Variants in CDC42BPA observed in about 807,000 individuals in gnomAD.
The protein encoded by CDC42BPA is CDC42 binding protein kinase alpha.
CDC42BPA carries 80 observed loss-of-function variants against 223.5 expected under a neutral mutation model. The observed-to-expected ratio is 0.36, with a 90% CI of 0.30 to 0.43. The LOEUF (loss-of-function observed/expected upper bound fraction) is 0.43. Among genes scored for constraint, CDC42BPA ranks in the 20% least tolerant of loss-of-function variants. CDC42BPA has a pLI of 1.00. For missense variants in CDC42BPA, 1,743 were observed against 2,099.9 expected (o/e 0.83, Z 3.32); for synonymous variants, 694 against 718.6 (o/e 0.97, Z 0.55).
intron 10 of CDC42BPA, among the ~76,000 whole-genome samples, chr1:227,131,960 G>A (rs1301021407): frequency 3.3e-5 from 5 of 152,154 alleles, no homozygotes; most frequent in East Asian, 1.9e-4. Flanking sequence ...ACAGGAGAAC[G>A]GGAGTCAGTT....
intron 12 of CDC42BPA, among the ~76,000 whole-genome samples, chr1:227,115,633 G>C (rs1239346005): frequency 6.6e-6 from 1 of 151,914 alleles, no homozygotes; most frequent in Non-Finnish European, 1.5e-5. Flanking sequence ...TTTAAAAATG[G>C]AACAGGCTAC....
chr1:227,252,679 G>C (rs1682229346), intron 2 of CDC42BPA, among the ~76,000 whole-genome samples: 1 of 151,738 alleles, frequency 6.6e-6, no homozygotes, highest in Non-Finnish European at 1.5e-5. Flanking sequence ...ATATAAAGGG[G>C]GTAACATATC....
At chr1:227,143,744 G>A (rs1170283240) in intron 8 of CDC42BPA, among the ~76,000 whole-genome samples, 1 of 152,186 alleles carries the variant, frequency 6.6e-6, no homozygotes, top group Non-Finnish European at 1.5e-5. Flanking sequence ...TCTTTAAAGA[G>A]AAGCACACAT....
intron 1 of CDC42BPA, among the ~76,000 whole-genome samples, chr1:227,283,396 C>T (rs1379178204): frequency 6.6e-6 from 1 of 152,058 alleles, no homozygotes; most frequent in Non-Finnish European, 1.5e-5. Context: ...TATGAAAATA[C>T]TATGATAATA....
At position 227,079,860 on chromosome 1, in the gene CDC42BPA, GT is replaced by G. The variant is rs142485049; in HGVS notation, c.2480+1032del. Among the ~76,000 whole-genome samples the G allele has an allele frequency of 6.2e-4, 93 of 149,518 alleles. No individual in the cohort carries two copies. In the East Asian group the frequency reaches 0.014, roughly 23 times the overall value. On this transcript the variant is annotated intron_variant, in intron 17 of 36. Transcript: ENST00000366766. ...AGACCAAAAGTATTTTGGATTTCAG[GT>G]TTTTTTTTTAAATTTTGGAATACCT...
At chr1:227,288,467 G>A (rs186605113) in intron 1 of CDC42BPA, among the ~76,000 whole-genome samples, 27 of 152,266 alleles carry the variant, frequency 1.8e-4, no homozygotes, top group Non-Finnish European at 2.9e-4. Context: ...GGGAGGCCAA[G>A]GCAAGTGGAT....
At chr1:227,248,711 C>G (rs1681435259) in intron 2 of CDC42BPA, among the ~76,000 whole-genome samples, 1 of 151,230 alleles carries the variant, frequency 6.6e-6, no homozygotes, top group Admixed American at 6.6e-5. Context: ...AGTATATAAA[C>G]ATACATGTGA....
intron 1 of CDC42BPA, among the ~76,000 whole-genome samples, chr1:227,314,400 C>T (rs1474851141): frequency 6.6e-6 from 1 of 152,052 alleles, no homozygotes; most frequent in East Asian, 1.9e-4. Context: ...TCTCTTTCCA[C>T]TTATTTCCTC....
chr1:227,159,649 TAAAAAA>T (rs35278555), intron 6 of CDC42BPA, among the ~76,000 whole-genome samples: 1 of 148,942 alleles, frequency 6.7e-6, no homozygotes, highest in Admixed American at 6.7e-5. Context: ...AAAATGAAGT[TAAAAAA>T]AAAAAAAAAC....
intron 21 of CDC42BPA, among the ~76,000 whole-genome samples, chr1:227,066,495 A>G (rs931578784): frequency 6.6e-6 from 1 of 152,202 alleles, no homozygotes; most frequent in African/African-American, 2.4e-5. Context: ...TGCTGAACTC[A>G]AGTATGTCAA....
At chr1:227,144,080 C>A (rs190011590) in intron 8 of CDC42BPA, among the ~76,000 whole-genome samples, 2 of 152,268 alleles carry the variant, frequency 1.3e-5, no homozygotes, top group East Asian at 3.9e-4. Context: ...TATCAGTTAT[C>A]AAACAGTGAT....
intron 10 of CDC42BPA, among the ~76,000 whole-genome samples, chr1:227,137,804 G>A (rs1658890804): frequency 1.3e-5 from 2 of 151,984 alleles, no homozygotes; most frequent in Non-Finnish European, 2.9e-5. Flanking sequence ...TCAAAAACCG[G>A]TAAAAATTCA....
At chr1:227,171,414 A>T (rs1253963526) in intron 5 of CDC42BPA, among the ~76,000 whole-genome samples, 1 of 152,196 alleles carries the variant, frequency 6.6e-6, no homozygotes, top group African/African-American at 2.4e-5. Flanking sequence ...TGAGTCCAGG[A>T]GTTTATGACC....
intron 10 of CDC42BPA, among the ~76,000 whole-genome samples, chr1:227,137,803 G>A (rs1658890191): frequency 6.6e-6 from 1 of 151,874 alleles, no homozygotes; most frequent in African/African-American, 2.4e-5. Context: ...ATCAAAAACC[G>A]GTAAAAATTC....
At chr1:227,106,847 C>CCT (rs550885495) in intron 14 of CDC42BPA, among the ~76,000 whole-genome samples, 54 of 152,286 alleles carry the variant, frequency 3.5e-4, no homozygotes, top group Non-Finnish European at 6.2e-4. Flanking sequence ...GGACTTAGTA[C>CCT]ATTTGTCAAA....
chr1:227,032,679 T>C (rs967204700), intron 27 of CDC42BPA, among the ~76,000 whole-genome samples: 9 of 152,194 alleles, frequency 5.9e-5, no homozygotes, highest in African/African-American at 2.2e-4. Flanking sequence ...TGGCAGCTTA[T>C]TTTGCTCTCT....
At chr1:227,047,885 A>AT (rs36062465) in intron 23 of CDC42BPA, 42 bp downstream of exon 23, 188 of 1,218,398 alleles carry the variant, frequency 1.5e-4, no homozygotes, top group Non-Finnish European at 1.8e-4. Flanking sequence ...GATAAAATTC[A>AT]TTTTTTTTGG....
chr1:227,255,763 A>G (rs956530296), intron 1 of CDC42BPA, among the ~76,000 whole-genome samples: 1 of 152,236 alleles, frequency 6.6e-6, no homozygotes. Context: ...AAAGACTTGT[A>G]CATTGGAAAC....
At chr1:227,218,931 C>G (rs1435341286) in intron 2 of CDC42BPA, among the ~76,000 whole-genome samples, 2 of 152,150 alleles carry the variant, frequency 1.3e-5, no homozygotes, top group African/African-American at 4.8e-5. Flanking sequence ...TATGGAGACA[C>G]AATTTATATA....
Sources: gnomAD v4.1 joint callset for allele counts (sites outside exome capture counted in the v4.1 genomes callset) on GRCh38, gnomAD v4.1.1 for gene constraint, MANE v1.5 for transcripts, NCBI Gene and HGNC (gene_info 2026-07-23, HGNC 2026-07-21) for gene names.